The following KCNT2 variants were observed in gnomAD, a reference collection of about 807,000 sequenced individuals.
KCNT2 encodes the protein potassium channel subfamily T member 2.
In KCNT2, 67 loss-of-function variants were observed where a neutral mutation model predicts 153.8. The ratio of observed to expected loss-of-function variants is 0.44; its 90% CI spans 0.36 to 0.53. The LOEUF is 0.53. KCNT2 is among the 20% of genes least tolerant of loss of function. KCNT2 has a pLI of 0.00. For synonymous variants in KCNT2, 500 were observed against 458.8 expected (o/e 1.09, Z -1.15); for missense variants, 975 against 1,354.8 (o/e 0.72, Z 4.40).
At chr1:196,396,907 G>A (rs2148433305) in intron 13 of KCNT2, among the ~76,000 whole-genome samples, 1 of 150,834 alleles carries the variant, frequency 6.6e-6, no homozygotes, top group Non-Finnish European at 1.5e-5. Flanking sequence ...CGTGCTAAAG[G>A]GAGAAAGAAC....
chr1:196,486,729 T>C (rs1679449136), intron 3 of KCNT2, among the ~76,000 whole-genome samples: 1 of 151,648 alleles, frequency 6.6e-6, no homozygotes, highest in South Asian at 2.1e-4. Flanking sequence ...AACCCTAATA[T>C]AAGCTTGTAA....
chr1:196,267,875 C>T (rs1657700067), intron 25 of KCNT2, among the ~76,000 whole-genome samples: 2 of 152,162 alleles, frequency 1.3e-5, no homozygotes, highest in African/African-American at 4.8e-5. Context: ...TTCCCCTATC[C>T]TCAGCCCCTT....
intron 1 of KCNT2, among the ~76,000 whole-genome samples, chr1:196,599,020 A>G (rs1416701676): frequency 1.3e-5 from 2 of 152,370 alleles, no homozygotes; most frequent in East Asian, 3.9e-4. Flanking sequence ...CAAAATACTG[A>G]CAGCTTCCAT....
intron 27 of KCNT2, among the ~76,000 whole-genome samples, chr1:196,234,636 C>A (rs540429298): frequency 6.6e-6 from 1 of 151,470 alleles, no homozygotes; most frequent in South Asian, 2.1e-4. Context: ...ACCCTTTTCA[C>A]TCCAGTCGAA....
rs548060143 is a variant in KCNT2 at position 196,300,520 on chromosome 1, C to T, written c.2595+4714G>A. 2.6e-5 allele frequency among the ~76,000 whole-genome samples: 4 copies of T among 152,144 alleles called. No homozygotes were observed. The South Asian group carries it at 8.3e-4, about 32-fold the overall frequency. On this transcript the variant is annotated intron_variant, in intron 22 of 27. Transcript: ENST00000294725. ...ATAAGATCCTCATTCCAGAGGGCTC[C>T]CCCTCTACTCAGAGGAGGGCAATGT...
At chr1:196,435,401 AT>A (rs1408223716) in intron 8 of KCNT2, among the ~76,000 whole-genome samples, 1 of 150,962 alleles carries the variant, frequency 6.6e-6, no homozygotes, top group African/African-American at 2.4e-5. Flanking sequence ...TAAATGAAAA[AT>A]TGGGGAATTT....
At chr1:196,406,324 A>C (rs1671824974) in intron 12 of KCNT2, among the ~76,000 whole-genome samples, 1 of 151,534 alleles carries the variant, frequency 6.6e-6, no homozygotes, top group Admixed American at 6.6e-5. Flanking sequence ...TCTTTAGAGA[A>C]GTATGCTTCA....
intron 1 of KCNT2, among the ~76,000 whole-genome samples, chr1:196,570,964 C>T (rs1660711729): frequency 6.6e-6 from 1 of 152,094 alleles, no homozygotes; most frequent in Admixed American, 6.6e-5. Flanking sequence ...ACAGCTCACT[C>T]TCCTGGCCTA....
At chr1:196,328,060 A>AT (rs1664063179) in intron 18 of KCNT2, among the ~76,000 whole-genome samples, 1 of 152,198 alleles carries the variant, frequency 6.6e-6, no homozygotes, top group South Asian at 2.1e-4. Context: ...AAGACTACGA[A>AT]TTTTGTGATT....
At chr1:196,585,229 G>A (rs1004977087) in intron 1 of KCNT2, among the ~76,000 whole-genome samples, 34 of 152,116 alleles carry the variant, frequency 2.2e-4, no homozygotes, top group African/African-American at 5.5e-4. Context: ...GAGGCAAAAG[G>A]AAGATCAGAA....
At chr1:196,585,551 A>G (rs1662574916) in intron 1 of KCNT2, among the ~76,000 whole-genome samples, 1 of 152,146 alleles carries the variant, frequency 6.6e-6, no homozygotes, top group South Asian at 2.1e-4. Context: ...GGGTCAATTT[A>G]GTGGAAATAA....
intron 14 of KCNT2, among the ~76,000 whole-genome samples, chr1:196,369,593 G>A (rs539366371): frequency 6.6e-6 from 1 of 151,246 alleles, no homozygotes. Context: ...TTTTGTTCCT[G>A]CGATAGTTTA....
intron 19 of KCNT2, among the ~76,000 whole-genome samples, chr1:196,320,172 T>C (rs1663152557): frequency 6.6e-6 from 1 of 151,786 alleles, no homozygotes; most frequent in African/African-American, 2.4e-5. Flanking sequence ...CATTTATGAC[T>C]GAAGTCTTTA....
intron 1 of KCNT2, among the ~76,000 whole-genome samples, chr1:196,498,573 C>T (rs1458504434): frequency 2.0e-5 from 3 of 152,132 alleles, no homozygotes; most frequent in East Asian, 3.8e-4. Context: ...GAAGTCTTGT[C>T]CTCTATTTAT....
At chr1:196,252,501 G>C (rs1248820204) in intron 26 of KCNT2, among the ~76,000 whole-genome samples, 1 of 151,678 alleles carries the variant, frequency 6.6e-6, no homozygotes, top group Admixed American at 6.6e-5. Flanking sequence ...ACATGTAGTA[G>C]AACAACCTTA....
At chr1:196,366,633 A>G (rs780685829) in intron 14 of KCNT2, among the ~76,000 whole-genome samples, 5 of 152,180 alleles carry the variant, frequency 3.3e-5, no homozygotes, top group Admixed American at 6.6e-5. Context: ...TGACTGTATC[A>G]TTTAAATTAA....
intron 1 of KCNT2, among the ~76,000 whole-genome samples, chr1:196,583,869 G>C (rs770100991): frequency 6.6e-6 from 1 of 152,056 alleles, no homozygotes; most frequent in Non-Finnish European, 1.5e-5. Context: ...TGGGTGGAAA[G>C]CATGGAAATA....
At chr1:196,514,806 T>A (rs1261877926) in intron 1 of KCNT2, among the ~76,000 whole-genome samples, 1 of 152,180 alleles carries the variant, frequency 6.6e-6, no homozygotes, top group Non-Finnish European at 1.5e-5. Context: ...ATTAAAACCA[T>A]AACTTTATTA....
At chr1:196,420,893 A>T (rs1044494414) in intron 12 of KCNT2, among the ~76,000 whole-genome samples, 1 of 152,042 alleles carries the variant, frequency 6.6e-6, no homozygotes, top group East Asian at 1.9e-4. Context: ...TTTTACCAGG[A>T]TTAGGAAAGT....
Sources: gnomAD v4.1 joint callset for allele counts (sites outside exome capture counted in the v4.1 genomes callset) on GRCh38, gnomAD v4.1.1 for gene constraint, MANE v1.5 for transcripts, NCBI Gene and HGNC (gene_info 2026-07-23, HGNC 2026-07-21) for gene names.